The following SCG5 variants were observed in gnomAD, a reference collection of about 807,000 sequenced individuals.
SCG5 encodes neuroendocrine protein 7B2.
SCG5 carries 18 observed loss-of-function variants against 25.7 expected under a neutral mutation model. That is an observed-to-expected ratio of 0.70 (90% CI 0.48 to 1.04). The LOEUF (loss-of-function observed/expected upper bound fraction) is 1.04. Ranked by LOEUF, SCG5 falls within the 50% of genes least tolerant of loss-of-function variation. SCG5 has a pLI of 0.00. For synonymous variants in SCG5, 101 were observed against 91.7 expected, an observed-to-expected ratio of 1.10 and a Z score of -0.58; for missense variants, 206 against 259.8, an observed-to-expected ratio of 0.79 and a Z score of 1.42.
At chr15:32,662,911 C>T (rs1469222724) in intron 2 of SCG5, among the ~76,000 whole-genome samples, 2 of 151,052 alleles carry the variant, frequency 1.3e-5, no homozygotes, top group Admixed American at 6.6e-5. Context: ...ATTGGAGTGC[C>T]ATTCATACAT....
At chr15:32,693,242 T>A (rs1295510928) in intron 5 of SCG5, among the ~76,000 whole-genome samples, 7 of 152,224 alleles carry the variant, frequency 4.6e-5, no homozygotes, top group Non-Finnish European at 8.8e-5. Flanking sequence ...CCTGACTCAG[T>A]GAATGACCAT....
intron 4 of SCG5, among the ~76,000 whole-genome samples, chr15:32,685,806 C>T (rs139715587): frequency 7.9e-5 from 12 of 152,274 alleles, no homozygotes; most frequent in East Asian, 3.9e-4. Flanking sequence ...GTGGCCAGTA[C>T]GTCTGTGGAA....
chr15:32,673,307 T>A (rs2054471096), intron 2 of SCG5, among the ~76,000 whole-genome samples: 1 of 152,100 alleles, frequency 6.6e-6, no homozygotes, highest in African/African-American at 2.4e-5. Flanking sequence ...TGTCACAAAT[T>A]CCATAAAGCA....
intron 2 of SCG5, among the ~76,000 whole-genome samples, chr15:32,651,489 C>G (rs2054030327): frequency 6.6e-6 from 1 of 152,168 alleles, no homozygotes; most frequent in Non-Finnish European, 1.5e-5. Flanking sequence ...GTAGGGGACA[C>G]TCCGTTTCTG....
At chr15:32,695,240 C>T (rs2054936412) in intron 5 of SCG5, among the ~76,000 whole-genome samples, 1 of 152,100 alleles carries the variant, frequency 6.6e-6, no homozygotes, top group Non-Finnish European at 1.5e-5. Context: ...TGGTCTCGAT[C>T]TCCTGACCTT....
At chr15:32,647,758 G>A (rs1482931199) in intron 2 of SCG5, among the ~76,000 whole-genome samples, 1 of 152,222 alleles carries the variant, frequency 6.6e-6, no homozygotes, top group Non-Finnish European at 1.5e-5. Context: ...GAACAGCAAA[G>A]TAGCAGGGCG....
chr15:32,641,984 C>T (rs1398531556), intron 1 of SCG5, among the ~76,000 whole-genome samples: 1 of 151,970 alleles, frequency 6.6e-6, no homozygotes, highest in African/African-American at 2.4e-5. Context: ...ATCAGAGCGG[C>T]GTTTGCTGGG....
chr15:32,658,651 CA>C (rs1179901068), intron 2 of SCG5, among the ~76,000 whole-genome samples: 1 of 152,178 alleles, frequency 6.6e-6, no homozygotes, highest in African/African-American at 2.4e-5. Flanking sequence ...CTCCCTTCTG[CA>C]CCTTGCCCAC....
At chr15:32,690,827 C>T (rs191451759) in intron 4 of SCG5, among the ~76,000 whole-genome samples, 21 of 148,392 alleles carry the variant, frequency 1.4e-4, no homozygotes, top group African/African-American at 2.0e-4. Flanking sequence ...TTCTTAATGT[C>T]AGAGTATTTT....
intron 2 of SCG5, among the ~76,000 whole-genome samples, chr15:32,663,108 G>A (rs1040129823): frequency 1.9e-4 from 23 of 124,112 alleles, no homozygotes; most frequent in Non-Finnish European, 2.7e-4. Flanking sequence ...ATACACATAT[G>A]TATACATATA....
At chr15:32,656,390 T>C (rs992957330) in intron 2 of SCG5, 1 of 152,250 alleles carries the variant, frequency 6.6e-6, no homozygotes, top group Non-Finnish European at 1.5e-5. Context: ...GGAAGTGGAA[T>C]TGTGGTAACT....
At chr15:32,681,467 TTTTTTC>T (rs1444936273) in intron 3 of SCG5, among the ~76,000 whole-genome samples, 327 of 147,424 alleles carry the variant, frequency 2.2e-3, no homozygotes, top group African/African-American at 7.9e-3. Flanking sequence ...CTACTCAACT[TTTTTTC>T]TTTTTCTTTT....
In SCG5 at chr15:32,672,387, G is replaced by A. The variant is rs530661847; in HGVS notation, c.227-7379G>A. Among the ~76,000 whole-genome samples the A allele has an allele frequency of 5.9e-5, 9 of 152,374 alleles. No homozygotes were observed. The South Asian group carries it at 1.4e-3, about 25-fold the overall frequency. ...ATGCTGGCTGCGGGCTTGTCAGGGT[G>A]TTCCCAAGTTGTGTGGCAGAGTCTG... On this transcript the variant is annotated intron_variant, in intron 2 of 5. Coordinates refer to ENST00000300175, the MANE Select transcript of SCG5 (RefSeq NM_001144757.3).
intron 2 of SCG5, among the ~76,000 whole-genome samples, chr15:32,667,566 C>A (rs995413430): frequency 6.6e-6 from 1 of 152,212 alleles, no homozygotes; most frequent in Non-Finnish European, 1.5e-5. Flanking sequence ...GCTTTGTGGC[C>A]GCCTTTGAGT....
At chr15:32,644,266 C>T (rs2053910404) in intron 2 of SCG5, among the ~76,000 whole-genome samples, 1 of 152,120 alleles carries the variant, frequency 6.6e-6, no homozygotes, top group Admixed American at 6.6e-5. Context: ...CAATGCCAGC[C>T]AGTACTTGTA....
intron 2 of SCG5, among the ~76,000 whole-genome samples, chr15:32,649,765 A>G (rs1020970315): frequency 2.6e-5 from 4 of 152,004 alleles, no homozygotes; most frequent in African/African-American, 9.7e-5. Flanking sequence ...AAAGACAAAC[A>G]GGGACCTACT....
chr15:32,675,048 T>G (rs1301516133), intron 2 of SCG5, among the ~76,000 whole-genome samples: 3 of 152,226 alleles, frequency 2.0e-5, no homozygotes, highest in African/African-American at 7.2e-5. Flanking sequence ...AATAAACAGC[T>G]GCATGGTACC....
chr15:32,695,235 T>A (rs1271245379), intron 5 of SCG5, among the ~76,000 whole-genome samples: 1 of 152,070 alleles, frequency 6.6e-6, no homozygotes, highest in Non-Finnish European at 1.5e-5. Context: ...CAGGATGGTC[T>A]CGATCTCCTG....
chr15:32,690,211 T>C (rs977375315), intron 4 of SCG5, among the ~76,000 whole-genome samples: 6 of 152,136 alleles, frequency 3.9e-5, no homozygotes, highest in African/African-American at 1.4e-4. Flanking sequence ...GATGGCACAG[T>C]GGAACTCTGC....
Sources: allele counts gnomAD v4.1 joint callset (sites outside exome capture counted in the v4.1 genomes callset), GRCh38; gene constraint gnomAD v4.1.1; transcripts MANE v1.5; gene names NCBI Gene and HGNC (gene_info 2026-07-23, HGNC 2026-07-21).